CENPP: variants seen among roughly 807,000 people sequenced by gnomAD.
The protein encoded by CENPP is centromere protein P.
In CENPP, 24 loss-of-function variants were observed where a neutral mutation model predicts 35.6. The ratio of observed to expected loss-of-function variants is 0.67; its 90% CI spans 0.49 to 0.95. The LOEUF (loss-of-function observed/expected upper bound fraction) is 0.95, where lower values mean the gene tolerates loss of function less well. CENPP is among the 40% of genes least tolerant of loss of function. The pLI is 0.00. For synonymous variants in CENPP, 120 were observed against 125.5 expected, an observed-to-expected ratio of 0.96 and a Z score of 0.29; for missense variants, 332 against 345.3, an observed-to-expected ratio of 0.96 and a Z score of 0.31.
chr9:92,363,305 A>C (rs1466932587), intron 4 of CENPP, among the ~76,000 whole-genome samples: 1 of 152,210 alleles, frequency 6.6e-6, no homozygotes, highest in Non-Finnish European at 1.5e-5. Flanking sequence ...GTGCACAAAT[A>C]GTCATGTGCC....
chr9:92,607,607 C>T (rs569446552), intron 5 of CENPP, among the ~76,000 whole-genome samples: 3 of 152,236 alleles, frequency 2.0e-5, no homozygotes, highest in Non-Finnish European at 4.4e-5. Flanking sequence ...GTCACTGAAT[C>T]GGCCAGACAT....
In CENPP at chr9:92,570,392, A is replaced by G. The variant is rs1323320823; in HGVS notation, c.565-40922A>G. Among the ~76,000 whole-genome samples, 5 of 152,222 alleles carry G rather than the reference A, an allele frequency of 3.3e-5. No homozygotes were observed. In the South Asian group the frequency reaches 8.3e-4, roughly 25 times the overall value. On this transcript the variant is annotated intron_variant, in intron 5 of 7. Transcript: ENST00000375587. ...TGCTGGATTACATTTATTGATTTGC[A>G]TATGTTGAACCAGCCTTGCATCCCA...
chr9:92,612,870 C>T (rs1851307336), intron 7 of CENPP, 149 bp from the exon 8 acceptor site: 2 of 970,262 alleles, frequency 2.1e-6, no homozygotes, highest in Non-Finnish European at 3.1e-6. Context: ...TCCACTCACT[C>T]CATCTCCTCG....
chr9:92,433,251 GATA>G (rs1844164374), intron 5 of CENPP, among the ~76,000 whole-genome samples: 1 of 152,176 alleles, frequency 6.6e-6, no homozygotes, highest in Admixed American at 6.5e-5. Flanking sequence ...AACAGCATCA[GATA>G]ACCTAAATAC....
intron 5 of CENPP, among the ~76,000 whole-genome samples, chr9:92,439,303 C>T (rs923731511): frequency 1.3e-5 from 2 of 151,750 alleles, no homozygotes; most frequent in East Asian, 1.9e-4. Context: ...ATAAGACTGC[C>T]CTCCCATGGT....
intron 5 of CENPP, among the ~76,000 whole-genome samples, chr9:92,392,601 C>T (rs957380661): frequency 6.7e-6 from 1 of 149,420 alleles, no homozygotes; most frequent in South Asian, 2.1e-4. Flanking sequence ...GGCAACAGAG[C>T]AAGACTCCAT....
intron 4 of CENPP, among the ~76,000 whole-genome samples, chr9:92,354,421 A>G (rs1841539323): frequency 6.6e-6 from 1 of 152,150 alleles, no homozygotes; most frequent in Non-Finnish European, 1.5e-5. Context: ...CATCCCTGCC[A>G]CCATGGCCAC....
intron 1 of CENPP, among the ~76,000 whole-genome samples, chr9:92,328,467 C>T (rs375182091): frequency 1.3e-5 from 2 of 152,088 alleles, no homozygotes; most frequent in East Asian, 3.9e-4. Context: ...AAGTGAGCTC[C>T]CCCTTTCTGT....
chr9:92,603,525 T>C (rs927112059), intron 5 of CENPP, among the ~76,000 whole-genome samples: 2 of 152,080 alleles, frequency 1.3e-5, no homozygotes, highest in Non-Finnish European at 2.9e-5. Flanking sequence ...CCAACAGACA[T>C]GTCTCTGCTA....
chr9:92,496,777 T>G (rs1286427449), intron 5 of CENPP, among the ~76,000 whole-genome samples: 3 of 152,126 alleles, frequency 2.0e-5, no homozygotes, highest in African/African-American at 7.2e-5. Flanking sequence ...AAAAAGAAAG[T>G]GCAAAGTTAA....
At chr9:92,363,758 C>G (rs1009151556) in intron 4 of CENPP, among the ~76,000 whole-genome samples, 6 of 151,942 alleles carry the variant, frequency 3.9e-5, no homozygotes, top group African/African-American at 1.2e-4. Context: ...TTTCACATTT[C>G]TATGTCCTTT....
intron 5 of CENPP, among the ~76,000 whole-genome samples, chr9:92,440,897 A>G (rs760328779): frequency 3.3e-5 from 5 of 152,190 alleles, no homozygotes; most frequent in East Asian, 1.9e-4. Context: ...AACATCGTCA[A>G]TGGGTTCTTT....
chr9:92,537,257 A>G (rs1849204276), intron 5 of CENPP, among the ~76,000 whole-genome samples: 2 of 152,200 alleles, frequency 1.3e-5, no homozygotes, highest in South Asian at 4.1e-4. Flanking sequence ...ACGTGGTTAG[A>G]CTGAATCAGG....
At chr9:92,423,052 T>C (rs1843861183) in intron 5 of CENPP, among the ~76,000 whole-genome samples, 1 of 152,220 alleles carries the variant, frequency 6.6e-6, no homozygotes, top group Admixed American at 6.5e-5. Flanking sequence ...TAAGGCTTGC[T>C]AGCAAATGCT....
At chr9:92,393,106 G>T (rs1842754974) in intron 5 of CENPP, 2 of 1,613,126 alleles carry the variant, frequency 1.2e-6, no homozygotes, top group Admixed American at 3.3e-5. Flanking sequence ...AAAATCTTTG[G>T]CAGTCAGCTT....
chr9:92,385,706 G>A (rs1046079460), intron 5 of CENPP: 26 of 1,613,956 alleles, frequency 1.6e-5, no homozygotes, highest in Middle Eastern at 1.6e-4. Context: ...CCCTCCAGGC[G>A]TATCTCTTCA....
In CENPP at chr9:92,613,358, C is replaced by G. The variant is rs953568520; in HGVS notation, c.*209C>G. On this transcript the variant is annotated 3_prime_UTR_variant, in exon 8 of 8. Transcript: ENST00000375587. Reference sequence around the variant, plus strand: ...AAATGCCAAATAAAAGTGACACGTACAATGTGGTTTATAAAAATAAGCTTA... The same window carrying G: ...AAATGCCAAATAAAAGTGACACGTAGAATGTGGTTTATAAAAATAAGCTTA... 7 of 537,060 alleles carry G rather than the reference C, an allele frequency of 1.3e-5. No homozygotes were observed. In the African/African-American group the frequency reaches 1.3e-4, roughly 10 times the overall value. The allele number at this position is 537,060 out of a possible 1,614,324, so 33.3% of individuals were successfully genotyped here.
chr9:92,406,626 G>T (rs1843316469), intron 5 of CENPP, among the ~76,000 whole-genome samples: 1 of 152,170 alleles, frequency 6.6e-6, no homozygotes, highest in Non-Finnish European at 1.5e-5. Context: ...ATCTGCATTT[G>T]AAGTGCATCT....
chr9:92,398,380 C>T (rs1327627101), intron 5 of CENPP, among the ~76,000 whole-genome samples: 1 of 152,122 alleles, frequency 6.6e-6, no homozygotes, highest in African/African-American at 2.4e-5. Flanking sequence ...AAAATTAAAT[C>T]TACATTAAAA....
Sources: gnomAD v4.1 joint callset for allele counts (sites outside exome capture counted in the v4.1 genomes callset) on GRCh38, gnomAD v4.1.1 for gene constraint, MANE v1.5 for transcripts, NCBI Gene and HGNC (gene_info 2026-07-23, HGNC 2026-07-21) for gene names.